Variants in DLG2 observed in about 807,000 individuals in gnomAD.
The protein encoded by DLG2 is discs large MAGUK scaffold protein 2.
Under a neutral mutation model 132.5 loss-of-function variants are expected in DLG2, and 45 were observed. That is an observed-to-expected ratio of 0.34 (90% CI 0.27 to 0.44). The LOEUF is 0.44. Among genes scored for constraint, DLG2 ranks in the 20% least tolerant of loss-of-function variants. The pLI, the probability that DLG2 is intolerant of heterozygous loss-of-function variation, is 1.00. For synonymous variants in DLG2, 424 were observed against 419.6 expected (o/e 1.01, Z -0.13); for missense variants, 1,045 against 1,196.9 (o/e 0.87, Z 1.87).
chr11:84,633,262 C>T (rs2099635157), intron 6 of DLG2, among the ~76,000 whole-genome samples: 1 of 152,138 alleles, frequency 6.6e-6, no homozygotes, highest in Non-Finnish European at 1.5e-5. Flanking sequence ...TCCTTTCCTA[C>T]CTTTCCCAAC....
intron 6 of DLG2, among the ~76,000 whole-genome samples, chr11:84,558,937 A>G (rs1285526798): frequency 3.3e-5 from 5 of 152,078 alleles, no homozygotes; most frequent in African/African-American, 9.7e-5. Context: ...CCCTCAAAAC[A>G]TTTTTTATAC....
At chr11:83,922,458 G>C (rs141592166) in intron 15 of DLG2, among the ~76,000 whole-genome samples, 3 of 152,226 alleles carry the variant, frequency 2.0e-5, no homozygotes, top group Admixed American at 1.3e-4. Flanking sequence ...GCTATGCCTT[G>C]TGAGTCATTC....
chr11:84,644,853 A>G (rs1310753252), intron 6 of DLG2, among the ~76,000 whole-genome samples: 1 of 152,166 alleles, frequency 6.6e-6, no homozygotes, highest in Non-Finnish European at 1.5e-5. Context: ...TGTGGCTGAC[A>G]TAGGATAAGT....
At chr11:85,395,779 GC>G (rs929598765) in intron 3 of DLG2, among the ~76,000 whole-genome samples, 26 of 152,334 alleles carry the variant, frequency 1.7e-4, no homozygotes, top group African/African-American at 4.8e-4. Flanking sequence ...ACTGGGTGGA[GC>G]CCACCACAGC....
At chr11:84,183,716 C>A (rs962532177) in intron 8 of DLG2, among the ~76,000 whole-genome samples, 1 of 152,072 alleles carries the variant, frequency 6.6e-6, no homozygotes, top group Non-Finnish European at 1.5e-5. Flanking sequence ...CTAATGCTAT[C>A]CCTCCCCACT....
At chr11:84,600,243 G>GAAAGAAAGA (rs1565420863) in intron 6 of DLG2, among the ~76,000 whole-genome samples, 29 of 99,416 alleles carry the variant, frequency 2.9e-4, no homozygotes, top group East Asian at 1.3e-3. Flanking sequence ...AGACAGAAAA[G>GAAAGAAAGA]CAAGCAAGCA....
At chr11:84,715,323 A>G (rs892589220) in intron 6 of DLG2, among the ~76,000 whole-genome samples, 3 of 152,134 alleles carry the variant, frequency 2.0e-5, no homozygotes, top group African/African-American at 7.2e-5. Flanking sequence ...TGGTTACTAC[A>G]GCCAAACTAA....
At chr11:84,575,146 C>A (rs1398415589) in intron 6 of DLG2, among the ~76,000 whole-genome samples, 1 of 152,164 alleles carries the variant, frequency 6.6e-6, no homozygotes, top group African/African-American at 2.4e-5. Flanking sequence ...CAGATCTTAT[C>A]ACCGGCTTTG....
At chr11:84,635,366 A>G (rs553332265) in intron 6 of DLG2, among the ~76,000 whole-genome samples, 29 of 152,294 alleles carry the variant, frequency 1.9e-4, no homozygotes, top group Admixed American at 1.9e-3. Flanking sequence ...TAAAAGCCCA[A>G]TGTCTACTGT....
chr11:83,691,440 C>T (rs554443153), intron 18 of DLG2, among the ~76,000 whole-genome samples: 1 of 152,242 alleles, frequency 6.6e-6, no homozygotes, highest in East Asian at 1.9e-4. Context: ...TTTCATTCTC[C>T]CTCTTCGAGT....
intron 14 of DLG2, among the ~76,000 whole-genome samples, chr11:83,932,085 G>T (rs2080352015): frequency 6.6e-6 from 1 of 152,154 alleles, no homozygotes; most frequent in African/African-American, 2.4e-5. Context: ...ATGAGTAGAT[G>T]AAAGTATACC....
chr11:83,824,138 C>G (rs1057287807), intron 17 of DLG2, among the ~76,000 whole-genome samples: 12 of 152,126 alleles, frequency 7.9e-5, no homozygotes, highest in African/African-American at 2.4e-4. Flanking sequence ...CAGCAAAATG[C>G]TTTGTGCTGA....
rs140501317 is a variant in DLG2 at position 84,233,039 on chromosome 11, C to T, written c.573+18199G>A. ...TTGGAAACTTCACAACCTCAAAGCA[C>T]CTTTCAGTTTCCTTAGCTAAAAAAC... On this transcript the variant is annotated intron_variant, in intron 8 of 27. Coordinates refer to ENST00000376104, the MANE Select transcript of DLG2 (RefSeq NM_001142699.3). Among the ~76,000 whole-genome samples the T allele has an allele frequency of 4.6e-5, 7 of 152,262 alleles. No homozygotes were observed. The East Asian group carries it at 1.4e-3, about 29-fold the overall frequency.
At chr11:84,234,152 G>A (rs2097129554) in intron 8 of DLG2, among the ~76,000 whole-genome samples, 2 of 152,168 alleles carry the variant, frequency 1.3e-5, no homozygotes, top group Non-Finnish European at 2.9e-5. Context: ...CCCGAGGGAA[G>A]AATCATGGGG....
intron 3 of DLG2, among the ~76,000 whole-genome samples, chr11:85,388,864 C>T (rs1008904915): frequency 2.6e-5 from 4 of 152,114 alleles, no homozygotes; most frequent in African/African-American, 9.7e-5. Context: ...CCTTGAGTCC[C>T]AGATCTTCCT....
intron 17 of DLG2, among the ~76,000 whole-genome samples, chr11:83,820,414 C>T (rs1350163149): frequency 6.6e-6 from 1 of 152,086 alleles, no homozygotes; most frequent in Non-Finnish European, 1.5e-5. Flanking sequence ...TTTTAAATTG[C>T]TCCATAAATC....
At chr11:84,237,089 C>A (rs550421800) in intron 8 of DLG2, among the ~76,000 whole-genome samples, 1 of 152,068 alleles carries the variant, frequency 6.6e-6, no homozygotes, top group South Asian at 2.1e-4. Context: ...CCACCACCCC[C>A]GGCTAATTTT....
intron 2 of DLG2, among the ~76,000 whole-genome samples, chr11:85,604,516 AG>A (rs1372907865): frequency 6.6e-6 from 1 of 152,220 alleles, no homozygotes; most frequent in Non-Finnish European, 1.5e-5. Flanking sequence ...AAGCAAGTCA[AG>A]ATTCATATTT....
chr11:84,453,280 A>G (rs1309694112), intron 7 of DLG2, among the ~76,000 whole-genome samples: 1 of 151,668 alleles, frequency 6.6e-6, no homozygotes, highest in East Asian at 1.9e-4. Flanking sequence ...TGAGCATTTC[A>G]TTGTTTACAA....
Sources: allele counts gnomAD v4.1 joint callset (sites outside exome capture counted in the v4.1 genomes callset), GRCh38; gene constraint gnomAD v4.1.1; transcripts MANE v1.5; gene names NCBI Gene and HGNC (gene_info 2026-07-23, HGNC 2026-07-21).